Variants in HMGCLL1 observed in about 807,000 individuals in gnomAD.
The protein encoded by HMGCLL1 is 3-hydroxy-3-methylglutaryl-CoA lyase like 1.
In HMGCLL1, 36 loss-of-function variants were observed where a neutral mutation model predicts 39.1. The ratio of observed to expected loss-of-function variants is 0.92; its 90% CI spans 0.71 to 1.22. The LOEUF (loss-of-function observed/expected upper bound fraction) is 1.22. Ranked by LOEUF, HMGCLL1 falls within the 50% of genes most tolerant of loss-of-function variation. The pLI, the probability that HMGCLL1 is intolerant of heterozygous loss-of-function variation, is 0.00. For missense variants in HMGCLL1, 451 were observed against 416.5 expected (o/e 1.08, Z -0.72); for synonymous variants, 149 against 144.0 (o/e 1.03, Z -0.25).
intron 3 of HMGCLL1, among the ~76,000 whole-genome samples, chr6:55,538,129 A>G (rs2127453782): frequency 6.6e-6 from 1 of 152,232 alleles, no homozygotes; most frequent in Middle Eastern, 3.4e-3. Flanking sequence ...TTAAAAATCT[A>G]TCATCAATTT....
At chr6:55,670,711 A>G in the HMGCLL1 span, among the ~76,000 whole-genome samples, 1 of 151,854 alleles carries the variant, frequency 6.6e-6, no homozygotes, top group Admixed American at 6.6e-5. Context: ...AAGATACATT[A>G]TGAAAATTAC....
At chr6:55,541,912 G>T in intron 2 of HMGCLL1, 76 bp from the exon 3 acceptor site, 1 of 955,744 alleles carries the variant, frequency 1.0e-6, no homozygotes, top group Non-Finnish European at 1.6e-6. Context: ...TACTTCCTAA[G>T]TCAAAGTGAG....
intron 7 of HMGCLL1, among the ~76,000 whole-genome samples, chr6:55,441,082 G>GGA (rs74271456): frequency 6.6e-6 from 1 of 151,904 alleles, no homozygotes; most frequent in Non-Finnish European, 1.5e-5. Context: ...ATGCAATGCA[G>GGA]GAGAGAGAGA....
the HMGCLL1 span, among the ~76,000 whole-genome samples, chr6:55,639,914 A>T: frequency 6.6e-6 from 1 of 151,850 alleles, no homozygotes; most frequent in Admixed American, 6.6e-5. Flanking sequence ...CCCCCTCTCT[A>T]CTAGAAAAAA....
At chr6:55,533,900 A>AAAAAAAAAAAAAG (rs1561942471) in intron 3 of HMGCLL1, among the ~76,000 whole-genome samples, 1 of 148,474 alleles carries the variant, frequency 6.7e-6, no homozygotes, top group Non-Finnish European at 1.5e-5. Flanking sequence ...AAAAAAAAAA[A>AAAAAAAAAAAAAG]GAAGTTACAA....
intron 7 of HMGCLL1, among the ~76,000 whole-genome samples, chr6:55,465,320 A>G (rs1340868248): frequency 6.6e-6 from 1 of 152,086 alleles, no homozygotes; most frequent in Non-Finnish European, 1.5e-5. Context: ...TATAGCCATT[A>G]CTTCACACAC....
chr6:55,544,562 C>A (rs1048807901), intron 1 of HMGCLL1, among the ~76,000 whole-genome samples: 2 of 152,114 alleles, frequency 1.3e-5, no homozygotes, highest in African/African-American at 4.8e-5. Context: ...TATACTGTCA[C>A]ACTCTGTCCT....
chr6:55,612,552 A>T, the HMGCLL1 span, among the ~76,000 whole-genome samples: 6 of 152,196 alleles, frequency 3.9e-5, no homozygotes, highest in Admixed American at 1.3e-4. Flanking sequence ...TTCAAACTAC[A>T]CTACAAAGCT....
chr6:55,495,370 A>C, intron 7 of HMGCLL1, 49 bp downstream of exon 7: 2 of 1,355,014 alleles, frequency 1.5e-6, no homozygotes, highest in Non-Finnish European at 2.0e-6. Flanking sequence ...ATTACAGATA[A>C]AGATGAACAC....
chr6:55,636,239 A>G, the HMGCLL1 span, among the ~76,000 whole-genome samples: 1 of 152,312 alleles, frequency 6.6e-6, no homozygotes, highest in Admixed American at 6.5e-5. Context: ...AAAAAAGCCA[A>G]CATTTTAAAG....
chr6:55,659,737 C>T, the HMGCLL1 span, among the ~76,000 whole-genome samples: 1 of 151,818 alleles, frequency 6.6e-6, no homozygotes, highest in Non-Finnish European at 1.5e-5. Flanking sequence ...CTTTGTTCTT[C>T]ACTTTATGCT....
chr6:55,497,512 G>T (rs750525795), intron 6 of HMGCLL1, among the ~76,000 whole-genome samples: 2 of 152,070 alleles, frequency 1.3e-5, no homozygotes, highest in African/African-American at 4.8e-5. Flanking sequence ...ATGGGGAAAT[G>T]AATATTGACA....
intron 3 of HMGCLL1, among the ~76,000 whole-genome samples, chr6:55,528,551 T>G (rs562475445): frequency 6.6e-6 from 1 of 151,990 alleles, no homozygotes; most frequent in African/African-American, 2.4e-5. Flanking sequence ...ACAGAGGAGA[T>G]CTTGGTCTGC....
At chr6:55,598,859 A>G in the HMGCLL1 span, among the ~76,000 whole-genome samples, 1 of 152,192 alleles carries the variant, frequency 6.6e-6, no homozygotes, top group Non-Finnish European at 1.5e-5. Flanking sequence ...TTATGTGTGC[A>G]TATTTGTACC....
chr6:55,472,853 A>T (rs1022734131), intron 7 of HMGCLL1, among the ~76,000 whole-genome samples: 11 of 151,488 alleles, frequency 7.3e-5, no homozygotes, highest in African/African-American at 2.7e-4. Flanking sequence ...AAGTATGTTA[A>T]TGTTTTAAAC....
At chr6:55,587,938 C>A in the HMGCLL1 span, among the ~76,000 whole-genome samples, 8 of 152,224 alleles carry the variant, frequency 5.3e-5, no homozygotes, top group African/African-American at 2.4e-5. Context: ...GACGTAGACT[C>A]CCACACAATA....
intron 3 of HMGCLL1, among the ~76,000 whole-genome samples, chr6:55,531,480 G>A (rs886331312): frequency 1.3e-5 from 2 of 152,180 alleles, no homozygotes; most frequent in South Asian, 2.1e-4. Flanking sequence ...ATTTTAATGT[G>A]ACCAACACGG....
chr6:55,562,661 G>A (rs1345750958), intron 1 of HMGCLL1, among the ~76,000 whole-genome samples: 5 of 152,178 alleles, frequency 3.3e-5, no homozygotes, highest in Non-Finnish European at 1.5e-5. Context: ...ATGGTCACTG[G>A]AAAACTTACT....
intron 1 of HMGCLL1, among the ~76,000 whole-genome samples, chr6:55,575,461 A>G (rs1771716891): frequency 6.6e-6 from 1 of 152,180 alleles, no homozygotes; most frequent in South Asian, 2.1e-4. Context: ...ATGTAAGCTG[A>G]AAAATTAAGG....
Sources: gnomAD v4.1 joint callset for allele counts (sites outside exome capture counted in the v4.1 genomes callset) on GRCh38, gnomAD v4.1.1 for gene constraint, MANE v1.5 for transcripts, NCBI Gene and HGNC (gene_info 2026-07-23, HGNC 2026-07-21) for gene names.